The following TENM3 variants were observed in gnomAD, a reference collection of about 807,000 sequenced individuals.
TENM3 encodes teneurin-3.
TENM3 carries 63 observed loss-of-function variants against 255.1 expected under a neutral mutation model. That is an observed-to-expected ratio of 0.25 (90% CI 0.20 to 0.30). The LOEUF (loss-of-function observed/expected upper bound fraction) is 0.30, where lower values mean the gene tolerates loss of function less well. Among genes scored for constraint, TENM3 ranks in the 10% least tolerant of loss-of-function variants. The pLI is 1.00. For missense variants in TENM3, 2,929 were observed against 3,461.1 expected, an observed-to-expected ratio of 0.85 and a Z score of 3.86; for synonymous variants, 1,306 against 1,322.3, an observed-to-expected ratio of 0.99 and a Z score of 0.27.
chr4:182,092,091 A>T, the TENM3 span, among the ~76,000 whole-genome samples: 2 of 152,132 alleles, frequency 1.3e-5, no homozygotes, highest in African/African-American at 4.8e-5. Context: ...TGTAATCCCA[A>T]CACTTTGGGA....
chr4:181,844,482 C>A, the TENM3 span, among the ~76,000 whole-genome samples: 1,446 of 151,996 alleles, frequency 9.5e-3, 12 homozygotes, highest in Non-Finnish European at 0.015. Flanking sequence ...TCTTGGCTAA[C>A]ACGGTGAAAC....
Position 182,175,599 on chromosome 4 carries a change from C to T in TENM3, c.-76+30845C>T, listed in dbSNP as rs550009803. Among the ~76,000 whole-genome samples, 16 of 152,244 alleles carry T rather than the reference C, an allele frequency of 1.1e-4. No homozygotes were observed. The South Asian group carries it at 3.3e-3, about 32-fold the overall frequency. ...CCAAGGAGATACCGACAGCACAGGACAGGTTTTGACTGTCTTATTGTCAGT... is the reference window on the plus strand; with the variant it reads ...CCAAGGAGATACCGACAGCACAGGATAGGTTTTGACTGTCTTATTGTCAGT... On this transcript the variant is annotated intron_variant, in intron 1 of 2. Transcript: ENST00000512480.
At chr4:181,942,238 C>CT in the TENM3 span, among the ~76,000 whole-genome samples, 3 of 123,654 alleles carry the variant, frequency 2.4e-5, no homozygotes, top group African/African-American at 9.2e-5. Context: ...ATTTCCTATT[C>CT]TTTCTTTCCA....
the TENM3 span, among the ~76,000 whole-genome samples, chr4:181,846,737 T>C: frequency 6.6e-6 from 1 of 152,310 alleles, no homozygotes; most frequent in Middle Eastern, 3.4e-3. Context: ...TTAGACTATG[T>C]ACTACATTCT....
chr4:182,161,756 T>TAC (rs1554023552), intron 1 of TENM3, among the ~76,000 whole-genome samples: 14 of 61,642 alleles, frequency 2.3e-4, no homozygotes, highest in African/African-American at 6.2e-4. Flanking sequence ...TGTATATATA[T>TAC]ACATATATAT....
At chr4:181,916,544 A>T in the TENM3 span, among the ~76,000 whole-genome samples, 1 of 152,092 alleles carries the variant, frequency 6.6e-6, no homozygotes, top group Non-Finnish European at 1.5e-5. Context: ...TGAAAGTATG[A>T]CACAAATAGA....
the TENM3 span, among the ~76,000 whole-genome samples, chr4:181,650,512 C>G: frequency 6.6e-6 from 1 of 152,112 alleles, no homozygotes; most frequent in Non-Finnish European, 1.5e-5. Flanking sequence ...GTTCATCATC[C>G]GCTTCTCTTT....
At chr4:181,459,520 TG>T in the TENM3 span, among the ~76,000 whole-genome samples, 2 of 151,954 alleles carry the variant, frequency 1.3e-5, no homozygotes, top group Non-Finnish European at 2.9e-5. Flanking sequence ...GGTTACTTTT[TG>T]TAAATGATCT....
chr4:182,641,474 A>C (rs2152493973), intron 5 of TENM3, among the ~76,000 whole-genome samples: 1 of 152,240 alleles, frequency 6.6e-6, no homozygotes, highest in Non-Finnish European at 1.5e-5. Context: ...TTTATGCTTA[A>C]GTCAGTAGCA....
At chr4:181,818,045 G>A in the TENM3 span, among the ~76,000 whole-genome samples, 2 of 152,062 alleles carry the variant, frequency 1.3e-5, no homozygotes, top group South Asian at 4.1e-4. Context: ...AAATCATTTT[G>A]TCCTTGACTC....
intron 1 of TENM3, among the ~76,000 whole-genome samples, chr4:182,237,628 C>G (rs549368881): frequency 6.6e-6 from 1 of 152,268 alleles, no homozygotes; most frequent in East Asian, 1.9e-4. Context: ...AGCCAAAATT[C>G]ATTCGGAATT....
chr4:182,431,498 A>C (rs1771642856), intron 3 of TENM3, among the ~76,000 whole-genome samples: 1 of 152,112 alleles, frequency 6.6e-6, no homozygotes, highest in Admixed American at 6.6e-5. Flanking sequence ...TCTCAATACA[A>C]AGAAAAGAAA....
chr4:182,456,146 A>G (rs974043897), intron 3 of TENM3, among the ~76,000 whole-genome samples: 1 of 152,228 alleles, frequency 6.6e-6, no homozygotes, highest in African/African-American at 2.4e-5. Context: ...CATTACAAAC[A>G]TCAGTTATTT....
At chr4:181,769,342 A>G in the TENM3 span, among the ~76,000 whole-genome samples, 28,783 of 152,134 alleles carry the variant, frequency 0.19, 2,794 homozygotes, top group East Asian at 0.25. Context: ...TTAAAATGTA[A>G]ACTTTAGAAT....
intron 1 of TENM3, among the ~76,000 whole-genome samples, chr4:182,289,690 A>G (rs1030652270): frequency 6.6e-6 from 1 of 152,190 alleles, no homozygotes; most frequent in Admixed American, 6.5e-5. Flanking sequence ...TCTAATAAAC[A>G]TTAATTGAGA....
the TENM3 span, among the ~76,000 whole-genome samples, chr4:181,946,321 C>A: frequency 6.6e-6 from 1 of 152,274 alleles, no homozygotes; most frequent in East Asian, 1.9e-4. Flanking sequence ...TAAAAATACA[C>A]CCTTGCCAAA....
the TENM3 span, among the ~76,000 whole-genome samples, chr4:181,561,956 G>T: frequency 6.6e-6 from 1 of 151,990 alleles, no homozygotes; most frequent in African/African-American, 2.4e-5. Flanking sequence ...GCGAATTGTG[G>T]GTGTTTTCTT....
At chr4:182,267,576 A>T (rs1561263001) in intron 1 of TENM3, among the ~76,000 whole-genome samples, 1 of 152,194 alleles carries the variant, frequency 6.6e-6, no homozygotes, top group Non-Finnish European at 1.5e-5. Flanking sequence ...AGAAGCCTCA[A>T]GTTATCTTGG....
chr4:182,526,269 C>T (rs1273744151), intron 3 of TENM3, among the ~76,000 whole-genome samples: 4 of 152,020 alleles, frequency 2.6e-5, no homozygotes, highest in African/African-American at 7.2e-5. Context: ...CGTGAGCCAC[C>T]GCGCCCAGCT....
Sources: gnomAD v4.1 joint callset for allele counts (sites outside exome capture counted in the v4.1 genomes callset) on GRCh38, gnomAD v4.1.1 for gene constraint, MANE v1.5 for transcripts, NCBI Gene and HGNC (gene_info 2026-07-23, HGNC 2026-07-21) for gene names.